Variants in BRCA1 observed in about 807,000 individuals in gnomAD.
The protein encoded by BRCA1 is BRCA1 DNA repair associated.
In BRCA1, 140 loss-of-function variants were observed where a neutral mutation model predicts 173.7. The ratio of observed to expected loss-of-function variants is 0.81; its 90% CI spans 0.70 to 0.93. BRCA1 has a LOEUF of 0.93. BRCA1 is among the 40% of genes least tolerant of loss of function. The pLI is 0.00. For synonymous variants in BRCA1, 662 were observed against 756.0 expected (o/e 0.88, Z 2.04); for missense variants, 1,983 against 2,172.5 (o/e 0.91, Z 1.73).
chr17:43,079,361 A>T, intron 12 of BRCA1: 5 of 1,597,426 alleles, frequency 3.1e-6, no homozygotes, highest in Non-Finnish European at 4.2e-6. Context: ...GGCCTTTTAG[A>T]AAACATGGAG....
chr17:43,146,934 C>G (rs1388905522), intron 1 of BRCA1, among the ~76,000 whole-genome samples: 2 of 152,148 alleles, frequency 1.3e-5, no homozygotes, highest in Non-Finnish European at 2.9e-5. Flanking sequence ...ACCATGAGGG[C>G]CCCGTCGTTT....
In BRCA1 at chr17:43,045,248, A is replaced by C; in HGVS notation, c.*430T>G. On this transcript the variant is annotated 3_prime_UTR_variant, in exon 23 of 23. Coordinates refer to ENST00000357654, the MANE Select transcript of BRCA1 (RefSeq NM_007294.4). ...CACTCTCCTTCCATTGAAGGGTCTGACTCTCTGCCTTTGTGAACACAGGGT... is the reference window on the plus strand; with the variant it reads ...CACTCTCCTTCCATTGAAGGGTCTGCCTCTCTGCCTTTGTGAACACAGGGT... 1 of 541,650 alleles carries C rather than the reference A, an allele frequency of 1.8e-6. No individual in the cohort carries two copies. The highest frequency in any genetic ancestry group is 1.5e-5 in the South Asian group (1 of 65,220). 33.6% of individuals were successfully genotyped at this position (541,650 alleles called of 1,614,324 possible). A position where few individuals can be genotyped will look rare whatever the true frequency, so the allele number is the denominator to read the frequency against.
intron 11 of BRCA1, 29 bp downstream of exon 11, chr17:43,090,913 ACG>A: frequency 6.4e-7 from 1 of 1,572,616 alleles, no homozygotes. Context: ...CACCACACAC[ACG>A]CATGTGCACA....
chr17:43,102,079 T>G (rs145501518), intron 6 of BRCA1, among the ~76,000 whole-genome samples: 3 of 146,648 alleles, frequency 2.0e-5, no homozygotes, highest in East Asian at 2.0e-4. Flanking sequence ...AGTTTTTTTG[T>G]TTTTTTTTTG....
chr17:43,110,518 C>A, intron 3 of BRCA1: 1 of 430,254 alleles, frequency 2.3e-6, no homozygotes. Context: ...CCTAGGAGGT[C>A]AAGGCAACAG....
In BRCA1 at chr17:43,110,062, C is replaced by G. The variant is rs140092494; in HGVS notation, c.135-3529G>C. Reference sequence around the variant, plus strand: ...GGTGCCCGCTACCACGCCTGGCTAACTTTTTGTAATTTTAGTAGAGGCGGG... The same window carrying G: ...GGTGCCCGCTACCACGCCTGGCTAAGTTTTTGTAATTTTAGTAGAGGCGGG... On this transcript the variant is annotated intron_variant, in intron 3 of 22. Coordinates refer to ENST00000357654, the MANE Select transcript of BRCA1 (RefSeq NM_007294.4). 8.4e-4 allele frequency among the ~76,000 whole-genome samples: 127 copies of G among 152,070 alleles called. 1 individual carries two copies. In the Middle Eastern group the frequency reaches 0.017, roughly 20 times the overall value.
intron 4 of BRCA1, among the ~76,000 whole-genome samples, chr17:43,105,546 T>C (rs984473244): frequency 2.0e-5 from 3 of 152,162 alleles, no homozygotes; most frequent in Admixed American, 6.6e-5. Flanking sequence ...CTGCTGAGCT[T>C]ACTGTTCTTA....
At chr17:43,137,097 A>C (rs1303295506) in intron 1 of BRCA1, among the ~76,000 whole-genome samples, 2 of 152,160 alleles carry the variant, frequency 1.3e-5, no homozygotes, top group Admixed American at 6.5e-5. Context: ...TATACTATGC[A>C]GTCCTAAAAA....
At position 43,092,684 on chromosome 17, in the gene BRCA1, G is replaced by A. The variant is rs1555588850; in HGVS notation, c.2847C>T (p.Gly949=). 1 of 1,614,102 alleles carries A rather than the reference G, an allele frequency of 6.2e-7. No individual in the cohort carries two copies. Among genetic ancestry groups the A allele is most frequent in the Non-Finnish European group, 8.5e-7 (1 of 1,179,998 alleles). Residue 949 remains glycine (G), a synonymous_variant, in exon 10 of 23, where the codon GGC becomes GGT. Transcript: ENST00000357654. Reference sequence around the variant, plus strand: ...ACTGAGATGATAGACAAAACCTAGAGCCTCCTTTGATACTACATTTGGCAT... The same window carrying A: ...ACTGAGATGATAGACAAAACCTAGAACCTCCTTTGATACTACATTTGGCAT... ...VDNAKCSIKG[G]SRFCLSSQFR... is the part of the protein sequence containing the mutation.
Position 43,094,795 on chromosome 17 carries a change from A to G in BRCA1, c.736T>C (p.Leu246=), listed in dbSNP as rs28897675. 2 of 1,613,334 alleles carry G rather than the reference A, an allele frequency of 1.2e-6. No homozygotes were observed. The highest frequency in any genetic ancestry group is 1.7e-6 in the Non-Finnish European group (2 of 1,179,760). ...GCTGCACGCTTCTCAGTGGTGTTCA[A>G]ATCATTATTACTGGGTTGATGATGT... is the stretch of plus-strand genomic sequence containing the variant. ...TEHHQPSNND[L]NTTEKRAAER... is the part of the protein sequence containing the mutation. The change falls in exon 10 of 23, where the codon TTG becomes CTG. Residue 246 remains leucine (L), a synonymous_variant. Transcript: ENST00000357654.
intron 1 of BRCA1, among the ~76,000 whole-genome samples, chr17:43,159,178 C>T (rs1597945713): frequency 6.6e-6 from 1 of 152,144 alleles, no homozygotes; most frequent in South Asian, 2.1e-4. Flanking sequence ...TTGAGCCTGG[C>T]GAGGTTGAGG....
intron 2 of BRCA1, among the ~76,000 whole-genome samples, chr17:43,123,118 C>T (rs982232458): frequency 4.0e-5 from 6 of 151,860 alleles, no homozygotes; most frequent in Admixed American, 2.6e-4. Context: ...ATCGTCCCTG[C>T]TACTCTGGAG....
chr17:43,169,950 CA>C, intron 1 of BRCA1: 2 of 465,630 alleles, frequency 4.3e-6, no homozygotes. Context: ...CAAGCCAGGC[CA>C]AAAAGTTTCA....
At chr17:43,081,525 A>G (rs536082149) in intron 12 of BRCA1, among the ~76,000 whole-genome samples, 3 of 152,186 alleles carry the variant, frequency 2.0e-5, no homozygotes, top group Non-Finnish European at 2.9e-5. Flanking sequence ...ACACTCAGAT[A>G]AGAATCACTG....
rs370299792 is a variant in BRCA1, at chr17:43,067,594, G to T, written c.5074+14C>A. The T allele has an allele frequency of 6.3e-7, 1 of 1,587,208 alleles. No individual in the cohort carries two copies. On this transcript the variant is annotated intron_variant, in intron 16 of 22. Transcript: ENST00000357654. ...CAGCAGATGCAAGGTATTCTGTAAA[G>T]GTTCTTGGTATACCTGTTTTCATAA...
At chr17:43,122,844 A>T (rs866501669) in intron 2 of BRCA1, among the ~76,000 whole-genome samples, 1 of 151,914 alleles carries the variant, frequency 6.6e-6, no homozygotes, top group Non-Finnish European at 1.5e-5. Flanking sequence ...CAGGAGATCA[A>T]GACTATCCTG....
Position 43,045,749 on chromosome 17 carries a change from T to C in BRCA1, c.5521A>G (p.Ser1841Gly), listed in dbSNP as rs80357299. ...TCCTGGCACTGGTAGAGTGCTACAC[T>C]GTCCAACACCCACTCTCGGGTCACC... ...PVVTREWVLDSVALYQCQELD... is the reference protein window; with the variant it reads ...PVVTREWVLDGVALYQCQELD... Residue 1841 changes from serine (S) to glycine (G), a missense_variant, in exon 23 of 23, where the codon AGT becomes GGT. Coordinates refer to ENST00000357654, the MANE Select transcript of BRCA1 (RefSeq NM_007294.4). 3 of 1,614,098 alleles carry C rather than the reference T, an allele frequency of 1.9e-6. No homozygotes were observed. The highest frequency in any genetic ancestry group is 2.5e-6 in the Non-Finnish European group (3 of 1,180,008).
At chr17:43,149,257 C>G (rs938744940) in intron 1 of BRCA1, among the ~76,000 whole-genome samples, 3 of 145,684 alleles carry the variant, frequency 2.1e-5, no homozygotes, top group Non-Finnish European at 3.0e-5. Context: ...CGCCACCACA[C>G]CGGGCTAGTT....
At chr17:43,148,145 A>G (rs937062846) in intron 1 of BRCA1, among the ~76,000 whole-genome samples, 2 of 152,224 alleles carry the variant, frequency 1.3e-5, no homozygotes, top group African/African-American at 4.8e-5. Flanking sequence ...AAAAATTGCC[A>G]GACTAGTGGT....
Sources: allele counts gnomAD v4.1 joint callset (sites outside exome capture counted in the v4.1 genomes callset), GRCh38; gene constraint gnomAD v4.1.1; transcripts MANE v1.5; gene names NCBI Gene and HGNC (gene_info 2026-07-23, HGNC 2026-07-21).